The following ZKSCAN1 variants were observed in gnomAD, a reference collection of about 807,000 sequenced individuals.
ZKSCAN1 encodes zinc finger with KRAB and SCAN domains 1, also known as zinc finger protein with KRAB and SCAN domains 1.
Under a neutral mutation model 51.6 loss-of-function variants are expected in ZKSCAN1, and 14 were observed. The ratio of observed to expected loss-of-function variants is 0.27; its 90% CI spans 0.18 to 0.42. The LOEUF (loss-of-function observed/expected upper bound fraction) is 0.42. Among genes scored for constraint, ZKSCAN1 ranks in the 10% least tolerant of loss-of-function variants. The pLI is 1.00. For synonymous variants in ZKSCAN1, 263 were observed against 261.5 expected (o/e 1.01, Z -0.06); for missense variants, 531 against 710.0 (o/e 0.75, Z 2.86).
chr7:100,029,821 G>T, intron 3 of ZKSCAN1, 40 bp from the exon 4 acceptor site: 4 of 1,593,748 alleles, frequency 2.5e-6, no homozygotes, highest in Non-Finnish European at 3.4e-6. Context: ...AAGGCTCAGA[G>T]CGGAGCTGAT....
chr7:100,033,080 G>A lies in ZKSCAN1; in HGVS notation c.800-225G>A, dbSNP rs1007564599. On this transcript the variant is annotated intron_variant, in intron 5 of 5. Transcript: ENST00000324306. This position sits in a 1 kb window ranked among gnomAD's most constrained non-coding sequence, Gnocchi z 4.1. ...CCAGCTACTTGGGAGGCTGAGGCAG[G>A]AGAATCACTTGAACCTGGGAGGCGG... 1.3e-5 allele frequency among the ~76,000 whole-genome samples: 2 copies of A among 152,122 alleles called. No homozygotes were observed. The highest frequency in any genetic ancestry group is 4.8e-5 in the African/African-American group (2 of 41,416).
In ZKSCAN1 at chr7:100,024,430, CA is replaced by C. The variant is rs981461348; in HGVS notation, c.580+129del. 7.0e-6 allele frequency: 9 copies of C among 1,280,528 alleles called. No individual in the cohort carries two copies. The African/African-American group carries it at 1.2e-4, about 17-fold the overall frequency. 79.3% of individuals were successfully genotyped at this position (1,280,528 alleles called of 1,614,324 possible). On this transcript the variant is annotated intron_variant, in intron 3 of 5. Coordinates refer to ENST00000324306, the MANE Select transcript of ZKSCAN1 (RefSeq NM_003439.4). ...GCAACGTAGCGAGACCCCATCTCTA[CA>C]AAAAATAGAAAAATTAGCCAGGTAT...
rs982520157 is a variant in ZKSCAN1, at chr7:100,030,249, G to A, written c.673G>A (p.Ala225Thr). The stretch of plus-strand genomic sequence containing the variant: ...GACTGTTTGTCTCGTGTTATTTTAG[G>A]CAATGGTGAAGATCGAGGACATGGC... Reference protein sequence around the residue: ...ASALFTADSQAMVKIEDMAVS... With the variant: ...ASALFTADSQTMVKIEDMAVS... Residue 225 changes from alanine (A) to threonine (T), a missense_variant and splice_region_variant, in exon 5 of 6, where the codon GCA (alanine) becomes ACA (threonine). This residue lies in a region of ZKSCAN1 where 403 missense variants were observed against 490.5 expected (regional missense o/e 0.82). Coordinates refer to ENST00000324306, the MANE Select transcript of ZKSCAN1 (RefSeq NM_003439.4). 2 of 1,613,546 alleles carry A rather than the reference G, an allele frequency of 1.2e-6. No homozygotes were observed. The highest frequency in any genetic ancestry group is 2.7e-5 in the African/African-American group (2 of 74,900).
downstream of ZKSCAN1, among the ~76,000 whole-genome samples, chr7:100,045,139 G>A (rs140599959): frequency 6.6e-6 from 1 of 152,326 alleles, no homozygotes; most frequent in Non-Finnish European, 1.5e-5. Context: ...CCCAGGCATG[G>A]TGGTGTGCAT....
Position 100,033,770 on chromosome 7 carries a change from T to C in ZKSCAN1, c.1265T>C (p.Leu422Pro). The change falls in exon 6 of 6, where the codon CTG becomes CCG. Residue 422 changes from leucine (L) to proline (P), a missense_variant. Physicochemically the swap from Leu to Pro is moderately conservative, Grantham distance 98. Around this residue, in one of 2 missense-constraint regions of ZKSCAN1, gnomAD observed 128 missense variants for 219.5 expected, o/e 0.58. Coordinates refer to ENST00000324306, the MANE Select transcript of ZKSCAN1 (RefSeq NM_003439.4). The surrounding 1 kb of genome is among the most constrained non-coding windows in gnomAD (Gnocchi z 4.1). ...KAFSLNSNLV[L>P]HQRIHTGEKP... ...TTCAGTCTTAACTCCAACCTTGTCC[T>C]GCATCAGAGGATCCACACAGGAGAG... is the stretch of plus-strand genomic sequence containing the variant. The C allele has an allele frequency of 6.2e-7, 1 of 1,614,096 alleles. No homozygotes were observed. The highest frequency in any genetic ancestry group is 8.5e-7 in the Non-Finnish European group (1 of 1,180,016).
chr7:100,028,684 A>G (rs1790954829), intron 3 of ZKSCAN1, among the ~76,000 whole-genome samples: 1 of 151,640 alleles, frequency 6.6e-6, no homozygotes, highest in Admixed American at 6.6e-5. Flanking sequence ...AAATTTTCAT[A>G]ATTGTTATGC....
In ZKSCAN1 at chr7:100,040,272, C is replaced by T; in HGVS notation, c.*6075C>T. ...CCCCAATCTCATGTTTTCCTGTTAC[C>T]CTAAAACAGTGGAAGGAAACTGGGT... On this transcript the variant is annotated 3_prime_UTR_variant, in exon 6 of 6. Transcript: ENST00000324306. The T allele has an allele frequency of 3.0e-6, 3 of 985,322 alleles. No individual in the cohort carries two copies. The highest frequency in any genetic ancestry group is 3.6e-6 in the Non-Finnish European group (3 of 829,910). The allele number at this position is 985,322 out of a possible 1,614,324, so 61.0% of individuals were successfully genotyped here.
Position 100,034,650 on chromosome 7 carries a change from T to A in ZKSCAN1, c.*453T>A. On this transcript the variant is annotated 3_prime_UTR_variant, in exon 6 of 6. Coordinates refer to ENST00000324306, the MANE Select transcript of ZKSCAN1 (RefSeq NM_003439.4). The stretch of plus-strand genomic sequence containing the variant: ...CTTATTTCTCAAAAAAGAGGGACAG[T>A]GAAAACAAAAACGACATTGGGACAT... The A allele has an allele frequency of 1.2e-6, 1 of 825,484 alleles. No individual in the cohort carries two copies. The highest frequency in any genetic ancestry group is 1.5e-6 in the Non-Finnish European group (1 of 682,008). The allele number at this position is 825,484 out of a possible 1,614,324, so 51.1% of individuals were successfully genotyped here. A position where few individuals can be genotyped will look rare whatever the true frequency, so the allele number is the denominator to read the frequency against.
At chr7:100,044,714 G>T, downstream of ZKSCAN1, 28 of 658,364 alleles carry the variant, frequency 4.3e-5, no homozygotes, top group South Asian at 6.7e-5. Context: ...AAGTAGCACT[G>T]AATAATTTTT....
At position 100,030,021 on chromosome 7, in the gene ZKSCAN1, T is replaced by C; in HGVS notation, c.672+69T>C. The C allele has an allele frequency of 3.2e-6, 5 of 1,560,270 alleles. No individual in the cohort carries two copies. In the South Asian group the frequency reaches 5.6e-5, roughly 17 times the overall value. ...CTCTGTTCCTGAGCTCTCTTCATTA[T>C]CTCCACAGGCCACTCTGGATGCCCC... is the stretch of plus-strand genomic sequence containing the variant. On this transcript the variant is annotated intron_variant, in intron 4 of 5. Coordinates refer to ENST00000324306, the MANE Select transcript of ZKSCAN1 (RefSeq NM_003439.4).
At chr7:100,043,017 G>A (rs1791639247), downstream of ZKSCAN1, among the ~76,000 whole-genome samples, 1 of 152,026 alleles carries the variant, frequency 6.6e-6, no homozygotes, top group Admixed American at 6.6e-5. Context: ...AGCCAGGATG[G>A]TCTCGATCTC....
chr7:100,018,237 C>A (rs970163298), intron 1 of ZKSCAN1, among the ~76,000 whole-genome samples: 1 of 152,042 alleles, frequency 6.6e-6, no homozygotes, highest in African/African-American at 2.4e-5. Flanking sequence ...GTAGAATGAT[C>A]GGGCTTTTAA....
chr7:100,038,150 T>C lies in ZKSCAN1; in HGVS notation c.*3953T>C, dbSNP rs1222166948. On this transcript the variant is annotated 3_prime_UTR_variant, in exon 6 of 6. Coordinates refer to ENST00000324306, the MANE Select transcript of ZKSCAN1 (RefSeq NM_003439.4). ...TCTTACAAAAATTGTTAACGTTAGGTACTTCTATATATTTTATATGACCAT... is the reference window on the plus strand; with the variant it reads ...TCTTACAAAAATTGTTAACGTTAGGCACTTCTATATATTTTATATGACCAT... 1 of 985,434 alleles carries C rather than the reference T, an allele frequency of 1.0e-6. No individual in the cohort carries two copies. Among genetic ancestry groups the C allele is most frequent in the Non-Finnish European group, 1.2e-6 (1 of 829,936 alleles). The allele number at this position is 985,434 out of a possible 1,614,324, so 61.0% of individuals were successfully genotyped here.
In ZKSCAN1 at chr7:100,034,121, A is replaced by G; in HGVS notation, c.1616A>G (p.His539Arg). The G allele has an allele frequency of 6.3e-7, 1 of 1,598,720 alleles. No individual in the cohort carries two copies. The highest frequency in any genetic ancestry group is 8.5e-7 in the Non-Finnish European group (1 of 1,174,440). ...SSTLTLHHRI[H>R]ARERASEYSP... Reference sequence around the variant, plus strand: ...ACCCTCACTCTGCATCACAGAATCCATGCCAGAGAGAGAGCCTCTGAGTAC... The same window carrying G: ...ACCCTCACTCTGCATCACAGAATCCGTGCCAGAGAGAGAGCCTCTGAGTAC... Residue 539 changes from histidine to arginine, a missense_variant, in exon 6 of 6, where the codon CAT becomes CGT. Coordinates refer to ENST00000324306, the MANE Select transcript of ZKSCAN1 (RefSeq NM_003439.4).
chr7:100,041,163 G>C lies in ZKSCAN1; in HGVS notation c.*6966G>C, dbSNP rs1373989527. The stretch of plus-strand genomic sequence containing the variant: ...GATTAAAAACAACCTGTCCTGTTTT[G>C]TCAGTTCCCAGCTTCTTCGTTTAGA... On this transcript the variant is annotated 3_prime_UTR_variant, in exon 6 of 6. Transcript: ENST00000324306. 1.4e-6 allele frequency: 1 copy of C among 730,852 alleles called. No individual in the cohort carries two copies. Among genetic ancestry groups the C allele is most frequent in the Non-Finnish European group, 1.7e-6 (1 of 597,894 alleles). The allele number at this position is 730,852 out of a possible 1,614,324, so 45.3% of individuals were successfully genotyped here.
At chr7:100,029,986 C>G (rs1312116171) in intron 4 of ZKSCAN1, 34 bp downstream of exon 4, 1 of 1,605,700 alleles carries the variant, frequency 6.2e-7, no homozygotes, top group Admixed American at 1.7e-5. Flanking sequence ...CCTGAGTCCT[C>G]AGTGTCTGCC....
Position 100,037,399 on chromosome 7 carries a change from CATCTT to C in ZKSCAN1, c.*3203_*3207del. On this transcript the variant is annotated 3_prime_UTR_variant, in exon 6 of 6. Transcript: ENST00000324306. ...AACCTGAGATTATCGATCTATGAGACATCTTGATATGTAAAGCACTTAATATTAAA... is the reference window on the plus strand; with the variant it reads ...AACCTGAGATTATCGATCTATGAGACGATATGTAAAGCACTTAATATTAAA... 1.0e-6 allele frequency: 1 copy of C among 985,416 alleles called. No individual in the cohort carries two copies. The highest frequency in any genetic ancestry group is 4.7e-5 in the South Asian group (1 of 21,288). 61.0% of individuals were successfully genotyped at this position (985,416 alleles called of 1,614,324 possible).
chr7:100,020,067 T>C (rs536866707), intron 1 of ZKSCAN1, among the ~76,000 whole-genome samples: 38 of 152,258 alleles, frequency 2.5e-4, no homozygotes, highest in Admixed American at 1.6e-3. Flanking sequence ...TGTGGTCAAG[T>C]GAAAATGCTT....
intron 5 of ZKSCAN1, 74 bp downstream of exon 5, chr7:100,030,449 G>A: frequency 6.5e-7 from 1 of 1,527,984 alleles, no homozygotes; most frequent in Non-Finnish European, 8.9e-7. Flanking sequence ...GATCTCTGAT[G>A]TGTTCAATTG....
Sources: gnomAD v4.1 joint callset for allele counts (sites outside exome capture counted in the v4.1 genomes callset) on GRCh38, gnomAD v4.1.1 for gene constraint, gnomAD v4.1.1 regional missense constraint, Gnocchi (gnomAD v3.1) non-coding constraint, MANE v1.5 for transcripts, NCBI Gene and HGNC (gene_info 2026-07-23, HGNC 2026-07-21) for gene names.